NXF1: variants seen among roughly 807,000 people sequenced by gnomAD.
The protein encoded by NXF1 is nuclear RNA export factor 1, also known as mRNA export factor TAP.
A neutral mutation model predicts 92.4 loss-of-function variants in NXF1; 43 were observed. The observed-to-expected ratio is 0.47, with a 90% confidence interval of 0.36 to 0.60. The LOEUF (loss-of-function observed/expected upper bound fraction) is 0.60, where lower values mean the gene tolerates loss of function less well. Among genes scored for constraint, NXF1 ranks in the 20% least tolerant of loss-of-function variants. NXF1 has a pLI of 0.00. For missense variants in NXF1, 576 were observed against 793.0 expected (o/e 0.73, Z 3.29); for synonymous variants, 288 against 292.2 (o/e 0.99, Z 0.15).
At position 62,801,979 on chromosome 11, in the gene NXF1, G is replaced by A. The variant is rs1249692998; in HGVS notation, c.521C>T (p.Ala174Val). The change falls in exon 5 of 21, where the codon GCT (alanine) becomes GTT (valine). Residue 174 changes from alanine to valine, a missense_variant. By Grantham distance (64) the Ala-to-Val change is moderately conservative. Coordinates refer to ENST00000294172, the MANE Select transcript of NXF1 (RefSeq NM_006362.5). ...CCGATCCAAAATCTTATAGTTGACA[G>A]CCTTCAATGCAGAGGCAGTACTGGC... ...EDASTASALK[A>V]VNYKILDREN... 5 of 1,614,220 alleles carry A rather than the reference G, an allele frequency of 3.1e-6. No individual in the cohort carries two copies. Among genetic ancestry groups the A allele is most frequent in the Non-Finnish European group, 4.2e-6 (5 of 1,180,044 alleles).
intron 10 of NXF1, chr11:62,799,858 A>G (rs775134070): frequency 4.0e-5 from 39 of 986,806 alleles, no homozygotes; most frequent in Non-Finnish European, 4.5e-5. Flanking sequence ...CAACCTCAGC[A>G]TGGACAGCAA....
At position 62,796,252 on chromosome 11, in the gene NXF1, C is replaced by T. The variant is rs746921131; in HGVS notation, c.1345+35G>A. 10 of 1,613,466 alleles carry T rather than the reference C, an allele frequency of 6.2e-6. No individual in the cohort carries two copies. In the South Asian group the frequency reaches 9.9e-5, roughly 16 times the overall value. ...AGTTCTGACTGATTCCTTCCCATGC[C>T]CTTTTCCCATATTTTGTTCGTATCA... On this transcript the variant is annotated intron_variant, in intron 15 of 20. Coordinates refer to ENST00000294172, the MANE Select transcript of NXF1 (RefSeq NM_006362.5).
At chr11:62,798,877 T>C (rs1010002948) in intron 10 of NXF1, 12 of 1,203,118 alleles carry the variant, frequency 1.0e-5, no homozygotes, top group Non-Finnish European at 1.2e-5. Flanking sequence ...CCCCCTTACC[T>C]TCCACCTACT....
At chr11:62,799,263 T>A in intron 10 of NXF1, 1 of 985,546 alleles carries the variant, frequency 1.0e-6, no homozygotes, top group Non-Finnish European at 1.2e-6. Context: ...AGCCCTTTCT[T>A]TCAGCTGCCC....
chr11:62,792,310 A>C lies in NXF1; in HGVS notation c.*166T>G, dbSNP rs2084372638. The C allele has an allele frequency of 1.2e-6, 1 of 848,480 alleles. No individual in the cohort carries two copies. The highest frequency in any genetic ancestry group is 2.4e-5 in the East Asian group (1 of 41,296). The allele number at this position is 848,480 out of a possible 1,614,324, so 52.6% of individuals were successfully genotyped here. A position where few individuals can be genotyped will look rare whatever the true frequency, so the allele number is the denominator to read the frequency against. On this transcript the variant is annotated 3_prime_UTR_variant, in exon 21 of 21. Transcript: ENST00000294172. The stretch of plus-strand genomic sequence containing the variant: ...GGCACCAGTGAGGCTCAATCTTCTG[A>C]AGTCTTCCAGAAGGCAGGCGAGGAG...
chr11:62,797,870 G>A (rs1411372331), intron 11 of NXF1, among the ~76,000 whole-genome samples: 2 of 152,116 alleles, frequency 1.3e-5, no homozygotes, highest in African/African-American at 4.8e-5. Flanking sequence ...GCTCACACCT[G>A]TAATCCCAGC....
intron 9 of NXF1, 114 bp downstream of exon 9, chr11:62,800,980 G>A (rs924659138): frequency 2.5e-6 from 2 of 789,446 alleles, no homozygotes; most frequent in African/African-American, 1.7e-5. Flanking sequence ...GATTAGAGTT[G>A]CAAACCAGCA....
At chr11:62,797,459 G>A in intron 11 of NXF1, 73 bp from the exon 12 acceptor site, 3 of 1,370,182 alleles carry the variant, frequency 2.2e-6, no homozygotes, top group Non-Finnish European at 3.1e-6. Context: ...CAGAACTTTG[G>A]GAGGCCGAGG....
In NXF1 at chr11:62,805,424, G is replaced by C. The variant is rs530957741; in HGVS notation, c.-68C>G. On this transcript the variant is annotated 5_prime_UTR_variant, in exon 1 of 21. Transcript: ENST00000294172. Reference sequence around the variant, plus strand: ...CGCCGGCAAACAACCTAACTCCCAAGCGCTCAGGACCGAAGTGTCCCTACG... The same window carrying C: ...CGCCGGCAAACAACCTAACTCCCAACCGCTCAGGACCGAAGTGTCCCTACG... 43 of 1,603,496 alleles carry C rather than the reference G, an allele frequency of 2.7e-5. No homozygotes were observed. Among genetic ancestry groups the C allele is most frequent in the Middle Eastern group, 1.7e-4 (1 of 6,060 alleles).
At chr11:62,799,482 C>T (rs2084456275) in intron 10 of NXF1, 2 of 985,730 alleles carry the variant, frequency 2.0e-6, no homozygotes, top group South Asian at 4.7e-5. Context: ...CATGCCCCAC[C>T]TCTGTTGCCC....
rs149273641 is a variant in NXF1, at chr11:62,796,115, T to A, written c.1412A>T (p.Lys471Ile). ...GAAGGAATTGACGTCGTGCTGGGTT[T>A]TGGGCAACTCATTGAGGAAGGCAAC... ...NVVAFLNELP[K>I]TQHDVNSFVV... is the part of the protein sequence containing the mutation. Residue 471 changes from lysine (K) to isoleucine (I), a missense_variant, in exon 16 of 21, where the codon AAA (lysine) becomes ATA (isoleucine). Lys to Ile is a moderately radical substitution (Grantham distance 102). Around this residue, in one of 2 missense-constraint regions of NXF1, gnomAD observed 425 missense variants for 635.2 expected, o/e 0.67. Coordinates refer to ENST00000294172, the MANE Select transcript of NXF1 (RefSeq NM_006362.5). The A allele has an allele frequency of 1.9e-6, 3 of 1,613,958 alleles. No homozygotes were observed. In the East Asian group the frequency reaches 6.7e-5, roughly 36 times the overall value.
chr11:62,805,415 A>C lies in NXF1; in HGVS notation c.-59T>G. On this transcript the variant is annotated 5_prime_UTR_variant, in exon 1 of 21. Coordinates refer to ENST00000294172, the MANE Select transcript of NXF1 (RefSeq NM_006362.5). The stretch of plus-strand genomic sequence containing the variant: ...TGGCCGCTACGCCGGCAAACAACCT[A>C]ACTCCCAAGCGCTCAGGACCGAAGT... The C allele has an allele frequency of 3.7e-6, 6 of 1,604,682 alleles. No homozygotes were observed. The highest frequency in any genetic ancestry group is 5.1e-6 in the Non-Finnish European group (6 of 1,175,902).
At chr11:62,795,788 A>C in intron 17 of NXF1, 113 bp downstream of exon 17, 8 of 987,630 alleles carry the variant, frequency 8.1e-6, no homozygotes, top group African/African-American at 1.6e-5. Context: ...GAATGGGAGA[A>C]GGAGCTCAAA....
At chr11:62,804,055 C>T in intron 1 of NXF1, 77 bp from the exon 2 acceptor site, 1 of 1,599,648 alleles carries the variant, frequency 6.3e-7, no homozygotes, top group Non-Finnish European at 8.5e-7. Flanking sequence ...GCTTCTAGTA[C>T]TCTGAACTAT....
At chr11:62,794,830 T>C in intron 18 of NXF1, 105 bp downstream of exon 18, 1 of 1,029,510 alleles carries the variant, frequency 9.7e-7, no homozygotes, top group Non-Finnish European at 1.5e-6. Context: ...TCTGATTTCC[T>C]GTTGCCTTTC....
chr11:62,796,863 T>TG (rs2084426206), intron 13 of NXF1: 1 of 535,388 alleles, frequency 1.9e-6, no homozygotes, highest in African/African-American at 1.9e-5. Flanking sequence ...GGTCAGGAGT[T>TG]GGAGACCAGC....
Position 62,803,434 on chromosome 11 carries a change from G to A in NXF1, c.354C>T (p.Asn118=). 1 of 1,613,884 alleles carries A rather than the reference G, an allele frequency of 6.2e-7. No homozygotes were observed. Among genetic ancestry groups the A allele is most frequent in the Non-Finnish European group, 8.5e-7 (1 of 1,180,014 alleles). The change falls in exon 3 of 21, where the codon AAC becomes AAT. Residue 118 remains asparagine (N), a synonymous_variant. Coordinates refer to ENST00000294172, the MANE Select transcript of NXF1 (RefSeq NM_006362.5). ...AGTSQDGTSK[N]WFKITIPYGR... is the part of the protein sequence containing the mutation. ...AAGTACTCACTGTAATCTTGAACCA[G>A]TTCTTTGAGGTCCCATCCTGGCTGG...
chr11:62,793,275 C>T (rs1016252731), intron 19 of NXF1, among the ~76,000 whole-genome samples: 1 of 152,228 alleles, frequency 6.6e-6, no homozygotes, highest in African/African-American at 2.4e-5. Flanking sequence ...GACGAGATTT[C>T]ACCATGTTGT....
At chr11:62,798,878 T>C in intron 10 of NXF1, 1 of 1,203,496 alleles carries the variant, frequency 8.3e-7, no homozygotes, top group Non-Finnish European at 1.0e-6. Flanking sequence ...CCCCTTACCT[T>C]CCACCTACTC....
Sources: gnomAD v4.1 joint callset for allele counts (sites outside exome capture counted in the v4.1 genomes callset) on GRCh38, gnomAD v4.1.1 for gene constraint, gnomAD v4.1.1 regional missense constraint, MANE v1.5 for transcripts, NCBI Gene and HGNC (gene_info 2026-07-23, HGNC 2026-07-21) for gene names.